Variants in RBMS1 observed in about 807,000 individuals in gnomAD.
The protein encoded by RBMS1 is RNA-binding motif, single-stranded-interacting protein 1.
In RBMS1, 17 loss-of-function variants were observed where a neutral mutation model predicts 62.3. The observed-to-expected ratio is 0.27, with a 90% CI of 0.19 to 0.41. The LOEUF (loss-of-function observed/expected upper bound fraction) is 0.41, where lower values mean the gene tolerates loss of function less well. RBMS1 is among the 10% of genes least tolerant of loss of function. RBMS1 has a pLI of 1.00. For synonymous variants in RBMS1, 172 were observed against 170.0 expected, an observed-to-expected ratio of 1.01 and a Z score of -0.09; for missense variants, 334 against 504.5, an observed-to-expected ratio of 0.66 and a Z score of 3.24.
At chr2:160,305,749 A>G (rs939412584) in intron 4 of RBMS1, among the ~76,000 whole-genome samples, 2 of 152,180 alleles carry the variant, frequency 1.3e-5, no homozygotes. Context: ...TTTAGGTTCT[A>G]TCTTTTAATA....
rs948551866 is a variant in RBMS1 at position 160,355,676 on chromosome 2, G to A, written c.251+11540C>T. On this transcript the variant is annotated intron_variant, in intron 2 of 13. Coordinates refer to ENST00000348849, the MANE Select transcript of RBMS1 (RefSeq NM_016836.4). ...CAGTGAATACCAGACAGGGCAGGTA[G>A]GCAAGCTAGTCCTGTCTTCAGTGCT... Among the ~76,000 whole-genome samples the A allele has an allele frequency of 2.0e-5, 3 of 152,028 alleles. No individual in the cohort carries two copies. The South Asian group carries it at 6.2e-4, about 31-fold the overall frequency.
At chr2:160,301,752 G>C (rs767075746) in intron 5 of RBMS1, among the ~76,000 whole-genome samples, 1 of 152,332 alleles carries the variant, frequency 6.6e-6, no homozygotes, top group Non-Finnish European at 1.5e-5. Flanking sequence ...GATGAACCAA[G>C]TACTAGCCCC....
chr2:160,440,053 G>A (rs141481165), intron 1 of RBMS1, among the ~76,000 whole-genome samples: 3 of 147,808 alleles, frequency 2.0e-5, no homozygotes, highest in Non-Finnish European at 4.5e-5. Flanking sequence ...TGGAAAGAGA[G>A]GGAGAGGGAG....
At chr2:160,334,432 G>A (rs370994546) in intron 2 of RBMS1, among the ~76,000 whole-genome samples, 4 of 152,138 alleles carry the variant, frequency 2.6e-5, no homozygotes, top group Admixed American at 2.0e-4. Context: ...TGGCAAAGGC[G>A]GTACCATTAA....
intron 2 of RBMS1, among the ~76,000 whole-genome samples, chr2:160,357,910 C>T (rs1472816744): frequency 6.6e-6 from 1 of 152,050 alleles, no homozygotes; most frequent in Non-Finnish European, 1.5e-5. Flanking sequence ...TTTTCTTTTT[C>T]TGTGATGCTA....
intron 1 of RBMS1, among the ~76,000 whole-genome samples, chr2:160,413,847 C>T (rs1257198644): frequency 6.6e-6 from 1 of 152,222 alleles, no homozygotes; most frequent in Non-Finnish European, 1.5e-5. Context: ...AACTGAGTAA[C>T]TTGCCCAAGG....
intron 4 of RBMS1, among the ~76,000 whole-genome samples, chr2:160,307,260 T>G (rs1184741623): frequency 6.7e-6 from 1 of 149,028 alleles, no homozygotes. Context: ...AACCAGCAGA[T>G]AGCCAGTCAC....
intron 1 of RBMS1, among the ~76,000 whole-genome samples, chr2:160,371,728 C>T (rs997048396): frequency 1.3e-5 from 2 of 152,046 alleles, no homozygotes; most frequent in Admixed American, 6.6e-5. Flanking sequence ...CCCGTATGGA[C>T]AGCACTCAGA....
chr2:160,439,728 A>G lies in RBMS1; in HGVS notation c.75+53561T>C, dbSNP rs575405639. ...CTGCTGGGAGGTGGAGGTTGTAGCA[A>G]GCCGAGATCATGCCACTGCACTCCA... On this transcript the variant is annotated intron_variant, in intron 1 of 13. Coordinates refer to ENST00000348849, the MANE Select transcript of RBMS1 (RefSeq NM_016836.4). Among the ~76,000 whole-genome samples the G allele has an allele frequency of 2.0e-5, 3 of 152,316 alleles. No homozygotes were observed. In the South Asian group the frequency reaches 6.2e-4, roughly 32 times the overall value.
chr2:160,408,231 C>A (rs896532088), intron 1 of RBMS1, among the ~76,000 whole-genome samples: 1 of 152,026 alleles, frequency 6.6e-6, no homozygotes, highest in Non-Finnish European at 1.5e-5. Flanking sequence ...CGGCTCGAAG[C>A]CCCTTTTAAG....
At chr2:160,341,862 C>T (rs548855513) in intron 2 of RBMS1, among the ~76,000 whole-genome samples, 3 of 152,240 alleles carry the variant, frequency 2.0e-5, no homozygotes, top group Admixed American at 1.3e-4. Flanking sequence ...TAAGGTTGAC[C>T]TTTCACCTCC....
intron 6 of RBMS1, among the ~76,000 whole-genome samples, chr2:160,290,046 AC>A (rs1311409688): frequency 4.3e-5 from 6 of 139,534 alleles, no homozygotes; most frequent in South Asian, 2.9e-4. Context: ...TGATGTCATG[AC>A]CCACTTATTT....
intron 1 of RBMS1, among the ~76,000 whole-genome samples, chr2:160,409,837 A>C (rs1271655454): frequency 6.6e-6 from 1 of 152,206 alleles, no homozygotes; most frequent in Non-Finnish European, 1.5e-5. Flanking sequence ...TTTTATGGGG[A>C]TAAGAAAAGT....
intron 1 of RBMS1, among the ~76,000 whole-genome samples, chr2:160,424,689 T>C (rs919598369): frequency 6.6e-6 from 1 of 152,192 alleles, no homozygotes; most frequent in African/African-American, 2.4e-5. Context: ...ATTTGGGTCT[T>C]CTTATGACTA....
chr2:160,313,172 T>G lies in RBMS1; in HGVS notation c.386A>C (p.Gln129Pro). 1 of 1,613,562 alleles carries G rather than the reference T, an allele frequency of 6.2e-7. No individual in the cohort carries two copies. The highest frequency in any genetic ancestry group is 8.5e-7 in the Non-Finnish European group (1 of 1,179,604). Residue 129 changes from glutamine to proline, a missense_variant, in exon 4 of 14, where the codon CAA (glutamine) becomes CCA (proline). Gln to Pro is a moderately conservative substitution (Grantham distance 76). Transcript: ENST00000348849. ...TCAACTCACCTTTGCCATTTGAGCTTGAACCCCACTGGCCTTCAGGGCAGA... is the reference window on the plus strand; with the variant it reads ...TCAACTCACCTTTGCCATTTGAGCTGGAACCCCACTGGCCTTCAGGGCAGA... ...AVSALKASGV[Q>P]AQMAKQQEQD...
At chr2:160,342,769 CAAAA>C (rs550170417) in intron 2 of RBMS1, among the ~76,000 whole-genome samples, 5 of 117,322 alleles carry the variant, frequency 4.3e-5, no homozygotes, top group South Asian at 2.9e-4. Context: ...ATACAAAATA[CAAAA>C]AAAAAAAAAA....
At chr2:160,440,169 C>T (rs991469221) in intron 1 of RBMS1, among the ~76,000 whole-genome samples, 1 of 150,538 alleles carries the variant, frequency 6.6e-6, no homozygotes, top group African/African-American at 2.4e-5. Flanking sequence ...AGTGCAGTGG[C>T]GTGATCTCGG....
intron 2 of RBMS1, among the ~76,000 whole-genome samples, chr2:160,357,586 T>C (rs1473857768): frequency 6.6e-6 from 1 of 152,138 alleles, no homozygotes; most frequent in African/African-American, 2.4e-5. Flanking sequence ...GACATTAAAA[T>C]TCCCTGACGT....
intron 1 of RBMS1, among the ~76,000 whole-genome samples, chr2:160,430,716 C>T (rs1682855235): frequency 6.6e-6 from 1 of 152,078 alleles, no homozygotes; most frequent in South Asian, 2.1e-4. Flanking sequence ...TTATGCACAC[C>T]TCTAGCTGTG....
Sources: allele counts gnomAD v4.1 joint callset (sites outside exome capture counted in the v4.1 genomes callset), GRCh38; gene constraint gnomAD v4.1.1; transcripts MANE v1.5; gene names NCBI Gene and HGNC (gene_info 2026-07-23, HGNC 2026-07-21).